GNA13: variants seen among roughly 807,000 people sequenced by gnomAD.
The protein encoded by GNA13 is G protein subunit alpha 13.
A neutral mutation model predicts 33.5 loss-of-function variants in GNA13; 4 were observed. The ratio of observed to expected loss-of-function variants is 0.12; its 90% CI spans 0.06 to 0.27. GNA13 has a LOEUF of 0.27. Among genes scored for constraint, GNA13 ranks in the 10% least tolerant of loss-of-function variants. The pLI is 1.00. For missense variants in GNA13, 319 were observed against 487.2 expected, an observed-to-expected ratio of 0.65 and a Z score of 3.25; for synonymous variants, 176 against 183.8, an observed-to-expected ratio of 0.96 and a Z score of 0.34.
intron 2 of GNA13, among the ~76,000 whole-genome samples, chr17:65,043,612 T>A (rs1025885455): frequency 2.0e-5 from 3 of 152,046 alleles, no homozygotes; most frequent in Non-Finnish European, 4.4e-5. Context: ...TTAATTTGTA[T>A]GGAAGATAAA....
chr17:65,012,388 G>A lies in GNA13; in HGVS notation c.*1869C>T, dbSNP rs1007437027. 3 of 222,010 alleles carry A rather than the reference G, an allele frequency of 1.4e-5. No homozygotes were observed. The highest frequency in any genetic ancestry group is 1.8e-5 in the Non-Finnish European group (2 of 111,180). The allele number at this position is 222,010 out of a possible 1,614,324, so 13.8% of individuals were successfully genotyped here. A position where few individuals can be genotyped will look rare whatever the true frequency, so the allele number is the denominator to read the frequency against. ...TTAGCACTGCAATTATGCTAATTTT[G>A]TGAATTTAAACAATGTATTCTTTTT... On this transcript the variant is annotated 3_prime_UTR_variant, in exon 4 of 4. Coordinates refer to ENST00000439174, the MANE Select transcript of GNA13 (RefSeq NM_006572.6).
chr17:65,042,664 G>A (rs1009352763), intron 2 of GNA13, among the ~76,000 whole-genome samples: 1 of 152,008 alleles, frequency 6.6e-6, no homozygotes, highest in Non-Finnish European at 1.5e-5. Flanking sequence ...TTGAACCCGG[G>A]AGAGGGAGGC....
intron 2 of GNA13, chr17:65,053,156 T>C (rs1907915590): frequency 5.0e-6 from 1 of 198,744 alleles, no homozygotes; most frequent in South Asian, 1.2e-4. Flanking sequence ...TCCGAATGCC[T>C]GGGACCAGAA....
At chr17:65,055,527 C>A (rs1432892732) in intron 1 of GNA13, 1 of 778,852 alleles carries the variant, frequency 1.3e-6, no homozygotes, top group Non-Finnish European at 1.6e-6. Flanking sequence ...TTCCTGCCAG[C>A]CCCCAGTTAC....
At position 65,010,609 on chromosome 17, in the gene GNA13, C is replaced by T; in HGVS notation, c.*3648G>A. The T allele has an allele frequency of 9.7e-6, 2 of 205,740 alleles. No homozygotes were observed. Among genetic ancestry groups the T allele is most frequent in the East Asian group, 1.5e-4 (2 of 13,618 alleles). The allele number at this position is 205,740 out of a possible 1,614,324, so 12.7% of individuals were successfully genotyped here. A position where few individuals can be genotyped will look rare whatever the true frequency, so the allele number is the denominator to read the frequency against. On this transcript the variant is annotated 3_prime_UTR_variant, in exon 4 of 4. Transcript: ENST00000439174. ...ACGCCTTAAAATGATGGGAGAGAGACAAATTAACTAGGTACTAAGTCAGAT... is the reference window on the plus strand; with the variant it reads ...ACGCCTTAAAATGATGGGAGAGAGATAAATTAACTAGGTACTAAGTCAGAT...
In GNA13 at chr17:65,056,717, A is replaced by C; in HGVS notation, c.-124T>G. 1 of 333,542 alleles carries C rather than the reference A, an allele frequency of 3.0e-6. No homozygotes were observed. Among genetic ancestry groups the C allele is most frequent in the Non-Finnish European group, 4.2e-6 (1 of 238,784 alleles). The allele number at this position is 333,542 out of a possible 1,614,324, so 20.7% of individuals were successfully genotyped here. Reference sequence around the variant, plus strand: ...GCGCGGCGGCGGCCCGAGCGCGCCCAGGGAGGGAGGGAACCAGCGAACTGA... The same window carrying C: ...GCGCGGCGGCGGCCCGAGCGCGCCCCGGGAGGGAGGGAACCAGCGAACTGA... On this transcript the variant is annotated 5_prime_UTR_variant, in exon 1 of 4. Coordinates refer to ENST00000439174, the MANE Select transcript of GNA13 (RefSeq NM_006572.6).
chr17:65,051,778 T>G (rs1365009388), intron 2 of GNA13: 3 of 152,188 alleles, frequency 2.0e-5, no homozygotes, highest in Non-Finnish European at 2.9e-5. Flanking sequence ...CAAGTTAAAT[T>G]CATCATTTTC....
At chr17:65,053,400 A>G (rs928271454) in intron 2 of GNA13, 102 bp downstream of exon 2, 1 of 734,750 alleles carries the variant, frequency 1.4e-6, no homozygotes, top group South Asian at 1.6e-5. Flanking sequence ...AAATACTTTT[A>G]GATTTGGGAA....
intron 2 of GNA13, among the ~76,000 whole-genome samples, chr17:65,031,911 AGAGAGAGAGAGTGTGTGTGT>A (rs1907046403): frequency 7.8e-5 from 11 of 140,368 alleles, no homozygotes; most frequent in African/African-American, 3.0e-4. Context: ...AGAGAGAGAG[AGAGAGAGAGAGTGTGTGTGT>A]GTGTGTGTGT....
At chr17:65,016,589 T>C (rs1906378125) in intron 3 of GNA13, among the ~76,000 whole-genome samples, 1 of 152,210 alleles carries the variant, frequency 6.6e-6, no homozygotes, top group South Asian at 2.1e-4. Context: ...CTCGAACTCC[T>C]GACCTCAAGT....
chr17:65,038,521 T>C (rs1907342857), intron 2 of GNA13, among the ~76,000 whole-genome samples: 1 of 152,078 alleles, frequency 6.6e-6, no homozygotes, highest in Admixed American at 6.5e-5. Context: ...CAAGGGATGC[T>C]CCCACCTCAG....
chr17:65,010,764 A>C lies in GNA13; in HGVS notation c.*3493T>G. 1 of 211,826 alleles carries C rather than the reference A, an allele frequency of 4.7e-6. No homozygotes were observed. Among genetic ancestry groups the C allele is most frequent in the African/African-American group, 2.3e-5 (1 of 44,294 alleles). 13.1% of individuals were successfully genotyped at this position (211,826 alleles called of 1,614,324 possible). On this transcript the variant is annotated 3_prime_UTR_variant, in exon 4 of 4. Coordinates refer to ENST00000439174, the MANE Select transcript of GNA13 (RefSeq NM_006572.6). ...AGTTTGTTACAAATGTTTGGGCTTT[A>C]CAGGCATGATTTCACGGATTCAAAC...
At chr17:65,050,217 T>C (rs572465908) in intron 2 of GNA13, among the ~76,000 whole-genome samples, 2 of 151,868 alleles carry the variant, frequency 1.3e-5, no homozygotes, top group East Asian at 1.9e-4. Flanking sequence ...AAGGAGGGAA[T>C]GAATGCAAGA....
chr17:65,055,629 A>G (rs1908020185), intron 1 of GNA13: 2 of 985,328 alleles, frequency 2.0e-6, no homozygotes, highest in South Asian at 4.7e-5. Flanking sequence ...CACAGATGCT[A>G]CATTTTCATG....
chr17:65,020,505 T>C (rs1379993170), intron 2 of GNA13, among the ~76,000 whole-genome samples: 1 of 152,234 alleles, frequency 6.6e-6, no homozygotes, highest in Non-Finnish European at 1.5e-5. Context: ...TTGTGACTCA[T>C]TCAAGCGGTG....
intron 2 of GNA13, chr17:65,051,998 G>A (rs1907874422): frequency 1.3e-5 from 2 of 152,192 alleles, no homozygotes; most frequent in African/African-American, 4.8e-5. Context: ...TTTATAAAAA[G>A]CTATCGTGAA....
chr17:65,039,556 T>TC (rs1156416716), intron 2 of GNA13, among the ~76,000 whole-genome samples: 1 of 152,334 alleles, frequency 6.6e-6, no homozygotes, highest in East Asian at 1.9e-4. Flanking sequence ...TAAGTTTTTT[T>TC]CCAACTTTGC....
At chr17:65,049,786 G>C (rs1315742758) in intron 2 of GNA13, among the ~76,000 whole-genome samples, 1 of 152,166 alleles carries the variant, frequency 6.6e-6, no homozygotes, top group African/African-American at 2.4e-5. Flanking sequence ...CCAGAATCCA[G>C]AATCAGATCC....
intron 2 of GNA13, 99 bp downstream of exon 2, chr17:65,053,403 T>C (rs1179535581): frequency 6.7e-6 from 5 of 751,338 alleles, no homozygotes; most frequent in Non-Finnish European, 1.2e-5. Context: ...TACTTTTAGA[T>C]TTGGGAACAT....
Sources: gnomAD v4.1 joint callset for allele counts (sites outside exome capture counted in the v4.1 genomes callset) on GRCh38, gnomAD v4.1.1 for gene constraint, MANE v1.5 for transcripts, NCBI Gene and HGNC (gene_info 2026-07-23, HGNC 2026-07-21) for gene names.